Variants in USH2A observed in about 807,000 individuals in gnomAD.
The protein encoded by USH2A is Usher syndrome 2A (autosomal recessive, mild).
USH2A carries 443 observed loss-of-function variants against 538.9 expected under a neutral mutation model. That is an observed-to-expected ratio of 0.82 (90% CI 0.76 to 0.89). The LOEUF (loss-of-function observed/expected upper bound fraction) is 0.89, where lower values mean the gene tolerates loss of function less well. Among genes scored for constraint, USH2A ranks in the 40% least tolerant of loss-of-function variants. USH2A has a pLI of 0.00. For synonymous variants in USH2A, 2,413 were observed against 2,273.5 expected, an observed-to-expected ratio of 1.06 and a Z score of -1.75; for missense variants, 6,633 against 6,324.8, an observed-to-expected ratio of 1.05 and a Z score of -1.65.
At chr1:215,870,173 T>C (rs1664585908) in intron 43 of USH2A, among the ~76,000 whole-genome samples, 2 of 152,238 alleles carry the variant, frequency 1.3e-5, no homozygotes, top group South Asian at 2.1e-4. Flanking sequence ...TTTTTAAAAA[T>C]TTAATTGAGA....
chr1:216,293,309 C>A (rs1050403283), intron 9 of USH2A, among the ~76,000 whole-genome samples: 1 of 152,204 alleles, frequency 6.6e-6, no homozygotes, highest in East Asian at 1.9e-4. Context: ...CAGGCGTGAG[C>A]CACCGCACCC....
chr1:216,369,850 G>A (rs2038667845), intron 3 of USH2A, among the ~76,000 whole-genome samples: 1 of 150,230 alleles, frequency 6.7e-6, no homozygotes, highest in South Asian at 2.1e-4. Flanking sequence ...TTGAACCCGG[G>A]AGGCAGAGGT....
intron 32 of USH2A, among the ~76,000 whole-genome samples, chr1:216,011,885 C>T (rs953153761): frequency 6.6e-6 from 1 of 151,422 alleles, no homozygotes; most frequent in Non-Finnish European, 1.5e-5. Context: ...ACCTGACACC[C>T]AAGACTGTAT....
At position 215,888,282 on chromosome 1, in the gene USH2A, C is replaced by T. The variant is rs1231421826; in HGVS notation, c.8223+144G>A. On this transcript the variant is annotated intron_variant, in intron 41 of 71. Transcript: ENST00000307340. ...GACATCGAATTTAAGATAGTTTGGG[C>T]CAAAGGCCAAAACCCAGTTTCTCCA... is the stretch of plus-strand genomic sequence containing the variant. 3.1e-6 allele frequency: 4 copies of T among 1,278,390 alleles called. No individual in the cohort carries two copies. The East Asian group carries it at 9.8e-5, about 31-fold the overall frequency. 79.2% of individuals were successfully genotyped at this position (1,278,390 alleles called of 1,614,324 possible).
intron 41 of USH2A, among the ~76,000 whole-genome samples, chr1:215,881,341 T>C (rs1664903027): frequency 6.6e-6 from 1 of 152,158 alleles, no homozygotes; most frequent in Non-Finnish European, 1.5e-5. Flanking sequence ...GGTTCTGCCA[T>C]GTTGGCCAGG....
intron 38 of USH2A, among the ~76,000 whole-genome samples, chr1:215,933,943 G>A (rs546285287): frequency 5.9e-5 from 9 of 151,834 alleles, no homozygotes; most frequent in African/African-American, 1.2e-4. Flanking sequence ...ATTATTTCCC[G>A]CAACGAGTTA....
intron 25 of USH2A, 27 bp downstream of exon 25, chr1:216,084,671 A>G: frequency 6.2e-7 from 1 of 1,610,330 alleles, no homozygotes; most frequent in Non-Finnish European, 8.5e-7. Context: ...TTTTAAGTGA[A>G]CACTCATGTC....
intron 47 of USH2A, among the ~76,000 whole-genome samples, chr1:215,819,310 T>C (rs1221924936): frequency 6.6e-6 from 1 of 151,764 alleles, no homozygotes; most frequent in African/African-American, 2.4e-5. Context: ...CCTATCAGAA[T>C]TCCAAGTGAC....
intron 41 of USH2A, among the ~76,000 whole-genome samples, chr1:215,880,899 T>C (rs1026697338): frequency 6.6e-6 from 1 of 152,120 alleles, no homozygotes; most frequent in Non-Finnish European, 1.5e-5. Flanking sequence ...AGGTCTAACA[T>C]TTAAGTCTTT....
At chr1:216,067,990 TAGA>T (rs1437316992) in intron 30 of USH2A, among the ~76,000 whole-genome samples, 2 of 152,136 alleles carry the variant, frequency 1.3e-5, no homozygotes, top group East Asian at 3.9e-4. Context: ...TGTCACACTT[TAGA>T]AGAAGTGAGC....
chr1:216,312,679 T>C (rs1306395010), intron 9 of USH2A, among the ~76,000 whole-genome samples: 7 of 152,192 alleles, frequency 4.6e-5, no homozygotes, highest in Admixed American at 1.3e-4. Context: ...TATTGCCATC[T>C]ATTTTTGCAT....
In USH2A at chr1:215,625,626, G is replaced by C. The variant is rs538700693; in HGVS notation, c.*155C>G. On this transcript the variant is annotated 3_prime_UTR_variant, in exon 72 of 72. Coordinates refer to ENST00000307340, the MANE Select transcript of USH2A (RefSeq NM_206933.4). The stretch of plus-strand genomic sequence containing the variant: ...AATATCATTTCTTAGACCTCTATTA[G>C]GAAGGAACACTTTCAAAAACAGTCA... The C allele has an allele frequency of 2.7e-6, 2 of 731,404 alleles. No homozygotes were observed. Among genetic ancestry groups the C allele is most frequent in the Middle Eastern group, 2.4e-4 (1 of 4,088 alleles). The allele number at this position is 731,404 out of a possible 1,614,324, so 45.3% of individuals were successfully genotyped here.
At chr1:216,256,864 T>C (rs2036268631) in intron 11 of USH2A, among the ~76,000 whole-genome samples, 1 of 151,998 alleles carries the variant, frequency 6.6e-6, no homozygotes, top group Non-Finnish European at 1.5e-5. Context: ...AGTTAAGCTT[T>C]TGGAGAGTCA....
rs1660358194 is a variant in USH2A at position 215,743,291 on chromosome 1, T to C, written c.11434A>G (p.Asn3812Asp). Residue 3812 changes from asparagine (N) to aspartate (D), a missense_variant, in exon 59 of 72, where the codon AAT (asparagine) becomes GAT (aspartate). Transcript: ENST00000307340. ...GCCAGAGGTGTTACACTTCCATCATTGAGTAAGACATTGTACTCCACAGGA... is the reference window on the plus strand; with the variant it reads ...GCCAGAGGTGTTACACTTCCATCATCGAGTAAGACATTGTACTCCACAGGA... ...EIPVEYNVLL[N>D]DGSVTPLAFS... 6.2e-7 allele frequency: 1 copy of C among 1,608,918 alleles called. No individual in the cohort carries two copies. The highest frequency in any genetic ancestry group is 1.4e-5 in the African/African-American group (1 of 73,854).
intron 4 of USH2A, among the ~76,000 whole-genome samples, chr1:216,361,109 A>G (rs1027399127): frequency 5.9e-5 from 9 of 152,142 alleles, no homozygotes; most frequent in Admixed American, 2.0e-4. Context: ...ATCTTCACAT[A>G]TACAGAGACC....
intron 64 of USH2A, among the ~76,000 whole-genome samples, chr1:215,658,867 A>G (rs1657351393): frequency 6.6e-6 from 1 of 152,244 alleles, no homozygotes; most frequent in Admixed American, 6.5e-5. Flanking sequence ...ATAGCATTAA[A>G]ATATATACTT....
intron 3 of USH2A, among the ~76,000 whole-genome samples, chr1:216,404,714 T>C (rs2039363776): frequency 6.7e-6 from 1 of 148,742 alleles, no homozygotes; most frequent in African/African-American, 2.5e-5. Flanking sequence ...CTCAACTTCC[T>C]GAGGTCAGGT....
chr1:215,716,630 C>T (rs1386794943), intron 61 of USH2A, among the ~76,000 whole-genome samples: 3 of 152,214 alleles, frequency 2.0e-5, no homozygotes, highest in Non-Finnish European at 2.9e-5. Flanking sequence ...ATTTTACTAT[C>T]TAGACATGAC....
chr1:215,747,492 G>A (rs563295030), intron 58 of USH2A, among the ~76,000 whole-genome samples: 1 of 152,286 alleles, frequency 6.6e-6, no homozygotes, highest in African/African-American at 2.4e-5. Flanking sequence ...AAATTTGAGA[G>A]CTGGATAAGG....
Sources: allele counts gnomAD v4.1 joint callset (sites outside exome capture counted in the v4.1 genomes callset), GRCh38; gene constraint gnomAD v4.1.1; transcripts MANE v1.5; gene names NCBI Gene and HGNC (gene_info 2026-07-23, HGNC 2026-07-21).